The following LACTB2 variants were observed in gnomAD, a reference collection of about 807,000 sequenced individuals.
LACTB2 encodes the protein endoribonuclease LACTB2.
LACTB2 carries 32 observed loss-of-function variants against 34.8 expected under a neutral mutation model. The ratio of observed to expected loss-of-function variants is 0.92; its 90% CI spans 0.69 to 1.24. LACTB2 has a LOEUF of 1.24. LACTB2 is among the 50% of genes most tolerant of loss of function. The pLI is 0.00. For synonymous variants in LACTB2, 120 were observed against 117.5 expected (o/e 1.02, Z -0.14); for missense variants, 320 against 345.0 (o/e 0.93, Z 0.57).
At chr8:70,648,386 C>CA (rs1264582329) in intron 3 of LACTB2, among the ~76,000 whole-genome samples, 3 of 151,544 alleles carry the variant, frequency 2.0e-5, no homozygotes, top group Admixed American at 1.3e-4. Flanking sequence ...ATATCCTCAG[C>CA]AAAAAAAGAA....
At chr8:70,654,535 A>ATGTG (rs888462450) in intron 3 of LACTB2, 1 of 152,022 alleles carries the variant, frequency 6.6e-6, no homozygotes, top group Non-Finnish European at 1.5e-5. Context: ...GCACTGACAA[A>ATGTG]TATGTGTGTG....
chr8:70,647,802 G>C (rs1818281918), intron 3 of LACTB2, among the ~76,000 whole-genome samples: 1 of 152,172 alleles, frequency 6.6e-6, no homozygotes, highest in Non-Finnish European at 1.5e-5. Context: ...GAAGTCTGTT[G>C]AAAGTCTTTT....
At chr8:70,664,025 G>C (rs1318051150) in intron 1 of LACTB2, among the ~76,000 whole-genome samples, 3 of 152,024 alleles carry the variant, frequency 2.0e-5, no homozygotes, top group African/African-American at 7.2e-5. Context: ...ATAATACTAT[G>C]ATACCTCCAA....
intron 3 of LACTB2, chr8:70,652,597 A>G (rs1818356405): frequency 6.6e-6 from 1 of 152,212 alleles, no homozygotes; most frequent in Non-Finnish European, 1.5e-5. Context: ...AATCCTTGGC[A>G]TCAATTCACT....
chr8:70,638,409 C>T, intron 6 of LACTB2, 139 bp downstream of exon 6: 10 of 922,286 alleles, frequency 1.1e-5, no homozygotes, highest in Non-Finnish European at 1.5e-5. Context: ...TACTGACCTT[C>T]CTAGCGCCTG....
intron 1 of LACTB2, among the ~76,000 whole-genome samples, chr8:70,666,159 G>A (rs1321709420): frequency 6.6e-6 from 1 of 152,208 alleles, no homozygotes; most frequent in Non-Finnish European, 1.5e-5. Flanking sequence ...TACCTGAACT[G>A]TGTACAAGGC....
intron 1 of LACTB2, among the ~76,000 whole-genome samples, chr8:70,668,518 T>C (rs570412137): frequency 6.6e-6 from 1 of 152,294 alleles, no homozygotes; most frequent in African/African-American, 2.4e-5. Flanking sequence ...GAGAACCAAT[T>C]TGGAAGCCAG....
chr8:70,641,140 C>A (rs1818192333), intron 4 of LACTB2, 90 bp from the exon 5 acceptor site: 1 of 1,148,378 alleles, frequency 8.7e-7, no homozygotes, highest in Non-Finnish European at 1.2e-6. Context: ...AAAAATAATT[C>A]ATATGATATA....
In LACTB2 at chr8:70,661,801, A is replaced by G; in HGVS notation, c.219T>C (p.Ile73=). ...GATCTCGGTGCCAGTGAGTCACTAC[A>G]ATTTCCTGGATTGCTGTGTTAAATT... ...LTEFNTAIQE[I]VVTHWHRDHS... Residue 73 remains isoleucine (I), a synonymous_variant, in exon 2 of 7, where the codon ATT becomes ATC. Transcript: ENST00000276590. 1 of 1,613,722 alleles carries G rather than the reference A, an allele frequency of 6.2e-7. No individual in the cohort carries two copies. The highest frequency in any genetic ancestry group is 8.5e-7 in the Non-Finnish European group (1 of 1,179,876).
At position 70,669,168 on chromosome 8, in the gene LACTB2, C is replaced by T. The variant is rs752824943; in HGVS notation, c.-48G>A. On this transcript the variant is annotated 5_prime_UTR_variant, in exon 1 of 7. Coordinates refer to ENST00000276590, the MANE Select transcript of LACTB2 (RefSeq NM_016027.3). ...CGTGTCGCCTATCTGGATACTCCAG[C>T]GCGGAAGAAGCCAACAGGCCGGGGA... 20 of 1,599,082 alleles carry T rather than the reference C, an allele frequency of 1.3e-5. No individual in the cohort carries two copies. The highest frequency in any genetic ancestry group is 1.8e-4 in the Middle Eastern group (1 of 5,696).
At chr8:70,643,193 T>C (rs1818220953) in intron 4 of LACTB2, among the ~76,000 whole-genome samples, 2 of 147,752 alleles carry the variant, frequency 1.4e-5, no homozygotes, top group African/African-American at 5.0e-5. Flanking sequence ...AGACAGGACT[T>C]AGGGGTGTAT....
chr8:70,646,807 A>T (rs945103063), intron 3 of LACTB2: 1 of 152,250 alleles, frequency 6.6e-6, no homozygotes, highest in African/African-American at 2.4e-5. Flanking sequence ...AATTCTCTGT[A>T]CTGGTCACTG....
chr8:70,638,660 C>CA lies in LACTB2; in HGVS notation c.742-32_742-31insT, dbSNP rs1554539193. Reference sequence around the variant, plus strand: ...AGAAAAATGAAGGTGAAAAAAATTCCTTTTTTTTTAAAAAAAAGAACACAG... The same window carrying CA: ...AGAAAAATGAAGGTGAAAAAAATTCCATTTTTTTTTAAAAAAAAGAACACAG... On this transcript the variant is annotated intron_variant, in intron 5 of 6. Coordinates refer to ENST00000276590, the MANE Select transcript of LACTB2 (RefSeq NM_016027.3). 28 of 1,103,594 alleles carry CA rather than the reference C, an allele frequency of 2.5e-5. No homozygotes were observed. In the Admixed American group the frequency reaches 2.9e-4, roughly 11 times the overall value. 68.4% of individuals were successfully genotyped at this position (1,103,594 alleles called of 1,614,324 possible).
Position 70,638,642 on chromosome 8 carries a change from T to A in LACTB2, c.742-13A>T. 7.3e-7 allele frequency: 1 copy of A among 1,374,596 alleles called. No homozygotes were observed. Among genetic ancestry groups the A allele is most frequent in the South Asian group, 1.6e-5 (1 of 61,686 alleles). The allele number at this position is 1,374,596 out of a possible 1,614,324, so 85.1% of individuals were successfully genotyped here. On this transcript the variant is annotated splice_polypyrimidine_tract_variant and intron_variant, in intron 5 of 6. Transcript: ENST00000276590. ...TCTCAGGAGTATTCTAAAAGAAAAA[T>A]GAAGGTGAAAAAAATTCCTTTTTTT... is the stretch of plus-strand genomic sequence containing the variant.
intron 4 of LACTB2, 59 bp from the exon 5 acceptor site, chr8:70,641,109 A>G: frequency 7.2e-7 from 1 of 1,392,016 alleles, no homozygotes; most frequent in South Asian, 1.4e-5. Flanking sequence ...TAAGTACAAC[A>G]GAAGCTAACT....
chr8:70,660,330 CAAGAG>C (rs1182109104), intron 2 of LACTB2: 1 of 298,240 alleles, frequency 3.4e-6, no homozygotes, highest in East Asian at 9.6e-5. Context: ...AGAGGTAAGA[CAAGAG>C]AAGGAAAAGT....
intron 2 of LACTB2, 132 bp from the exon 3 acceptor site, chr8:70,658,014 G>C: frequency 1.9e-6 from 1 of 530,460 alleles, no homozygotes; most frequent in South Asian, 2.7e-5. Flanking sequence ...CAGAAAATGG[G>C]ATGAATTACA....
intron 5 of LACTB2, among the ~76,000 whole-genome samples, chr8:70,638,973 T>C (rs7831544): frequency 0.33 from 50,663 of 151,606 alleles, 9,703 homozygotes; most frequent in Non-Finnish European, 0.44. Flanking sequence ...CTCTTGACCT[T>C]GTGATCCACC....
In LACTB2 at chr8:70,660,883, T is replaced by C. The variant is rs1226871328; in HGVS notation, c.286+851A>G. 4 of 456,224 alleles carry C rather than the reference T, an allele frequency of 8.8e-6. No homozygotes were observed. The Admixed American group carries it at 9.4e-5, about 11-fold the overall frequency. 28.3% of individuals were successfully genotyped at this position (456,224 alleles called of 1,614,324 possible). A position where few individuals can be genotyped will look rare whatever the true frequency, so the allele number is the denominator to read the frequency against. On this transcript the variant is annotated intron_variant, in intron 2 of 6. Coordinates refer to ENST00000276590, the MANE Select transcript of LACTB2 (RefSeq NM_016027.3). ...GCCTCAGCTTCCCTGGCTCAAGCCA[T>C]CTGCCCACCTTAGCCTCCCGAGTAG...
Sources: allele counts gnomAD v4.1 joint callset (sites outside exome capture counted in the v4.1 genomes callset), GRCh38; gene constraint gnomAD v4.1.1; transcripts MANE v1.5; gene names NCBI Gene and HGNC (gene_info 2026-07-23, HGNC 2026-07-21).